HSF2BP: variants seen among roughly 807,000 people sequenced by gnomAD.
HSF2BP encodes the protein heat shock factor 2-binding protein.
Under a neutral mutation model 35.0 loss-of-function variants are expected in HSF2BP, and 35 were observed. That is an observed-to-expected ratio of 1.00 (90% CI 0.76 to 1.32). The LOEUF (loss-of-function observed/expected upper bound fraction) is 1.32. Among genes scored for constraint, HSF2BP ranks in the 40% most tolerant of loss-of-function variants. HSF2BP has a pLI of 0.00. For missense variants in HSF2BP, 326 were observed against 321.7 expected, an observed-to-expected ratio of 1.01 and a Z score of -0.10; for synonymous variants, 114 against 117.4, an observed-to-expected ratio of 0.97 and a Z score of 0.18.
intron 4 of HSF2BP, among the ~76,000 whole-genome samples, chr21:43,636,894 C>CAA (rs34578952): frequency 7.1e-5 from 8 of 112,040 alleles, no homozygotes; most frequent in African/African-American, 2.3e-4. Context: ...CGTCTCAAAA[C>CAA]AAAAAAAAAA....
chr21:43,632,793 T>C (rs552017955), intron 5 of HSF2BP, among the ~76,000 whole-genome samples: 27 of 151,882 alleles, frequency 1.8e-4, no homozygotes, highest in African/African-American at 4.8e-4. Flanking sequence ...GTAGAGAGAG[T>C]CAAAAGTTCT....
chr21:43,501,011 T>C, the HSF2BP span, among the ~76,000 whole-genome samples: 4 of 112,564 alleles, frequency 3.6e-5, no homozygotes, highest in South Asian at 1.1e-3. Context: ...GTGGACAGAG[T>C]CTGGGGGCTA....
intron 5 of HSF2BP, among the ~76,000 whole-genome samples, chr21:43,632,469 TCACACACACACGCTGC>T (rs138570034): frequency 0.54 from 75,053 of 139,210 alleles, 20,346 homozygotes; most frequent in East Asian, 0.71. Flanking sequence ...ACACACATGC[TCACACACACACGCTGC>T]CACACACACA....
rs924727288 is a variant in HSF2BP, at chr21:43,659,482, C to A, written c.-321G>T. On this transcript the variant is annotated 5_prime_UTR_variant, in exon 1 of 9. Coordinates refer to ENST00000291560, the MANE Select transcript of HSF2BP (RefSeq NM_007031.2). This position sits in a 1 kb window ranked among gnomAD's most constrained non-coding sequence, Gnocchi z 4.2. ...CTCCGCCAGCTGCCAGGGCCACTGCCGCGCTCACTCCCAGAGCGCGCTGCG... is the reference window on the plus strand; with the variant it reads ...CTCCGCCAGCTGCCAGGGCCACTGCAGCGCTCACTCCCAGAGCGCGCTGCG... 2 of 479,708 alleles carry A rather than the reference C, an allele frequency of 4.2e-6. No homozygotes were observed. Among genetic ancestry groups the A allele is most frequent in the African/African-American group, 2.1e-5 (1 of 48,300 alleles). The allele number at this position is 479,708 out of a possible 1,614,324, so 29.7% of individuals were successfully genotyped here. A position where few individuals can be genotyped will look rare whatever the true frequency, so the allele number is the denominator to read the frequency against.
chr21:43,654,846 C>T (rs1385121966), intron 3 of HSF2BP, among the ~76,000 whole-genome samples: 5 of 152,134 alleles, frequency 3.3e-5, no homozygotes, highest in Non-Finnish European at 5.9e-5. Flanking sequence ...AGGCAATGAG[C>T]GGGGCCTAGG....
At chr21:43,615,311 C>T (rs2082257156) in intron 6 of HSF2BP, among the ~76,000 whole-genome samples, 1 of 152,174 alleles carries the variant, frequency 6.6e-6, no homozygotes, top group South Asian at 2.1e-4. Context: ...CTGGTAGATA[C>T]CCTTTATCAG....
chr21:43,656,285 T>G (rs2082866838), intron 3 of HSF2BP, among the ~76,000 whole-genome samples: 1 of 152,258 alleles, frequency 6.6e-6, no homozygotes, highest in Non-Finnish European at 1.5e-5. Flanking sequence ...CAGTAAGTAC[T>G]TAATTTTCAG....
At chr21:43,636,069 TA>T (rs1165631547) in intron 4 of HSF2BP, among the ~76,000 whole-genome samples, 1 of 150,582 alleles carries the variant, frequency 6.6e-6, no homozygotes, top group Non-Finnish European at 1.5e-5. Context: ...AAATTTTTTT[TA>T]AATAGCCAGG....
At chr21:43,616,081 A>C (rs1395404500) in intron 6 of HSF2BP, among the ~76,000 whole-genome samples, 1 of 151,776 alleles carries the variant, frequency 6.6e-6, no homozygotes, top group Non-Finnish European at 1.5e-5. Context: ...CATAGCAAGC[A>C]ACATAGAACT....
intron 5 of HSF2BP, 74 bp downstream of exon 5, chr21:43,633,198 C>T (rs2082505163): frequency 2.7e-6 from 4 of 1,469,772 alleles, no homozygotes; most frequent in Admixed American, 2.3e-5. Context: ...CTTTAAATGC[C>T]TTAATAAGCT....
At chr21:43,630,760 GCTGC>G (rs1224251725) in intron 5 of HSF2BP, among the ~76,000 whole-genome samples, 1 of 152,078 alleles carries the variant, frequency 6.6e-6, no homozygotes, top group Admixed American at 6.6e-5. Flanking sequence ...AGAAAAACAT[GCTGC>G]CTATTTGCTC....
At chr21:43,626,338 C>T (rs2082389161) in intron 6 of HSF2BP, among the ~76,000 whole-genome samples, 1 of 151,500 alleles carries the variant, frequency 6.6e-6, no homozygotes, top group African/African-American at 2.4e-5. Context: ...AATAATAAAG[C>T]AAATAAAGCA....
rs547478146 is a variant in HSF2BP at position 43,610,643 on chromosome 21, C to T, written c.692+3187G>A. ...CCCGGCACCTCTCTCTCCATATACA[C>T]ATATATTTTTTCTCTTTAGAGGAAT... is the stretch of plus-strand genomic sequence containing the variant. On this transcript the variant is annotated intron_variant, in intron 7 of 8. Coordinates refer to ENST00000291560, the MANE Select transcript of HSF2BP (RefSeq NM_007031.2). Among the ~76,000 whole-genome samples, 3 of 152,132 alleles carry T rather than the reference C, an allele frequency of 2.0e-5. No individual in the cohort carries two copies. In the East Asian group the frequency reaches 5.8e-4, roughly 29 times the overall value.
intron 3 of HSF2BP, among the ~76,000 whole-genome samples, chr21:43,645,579 A>G (rs1022243546): frequency 6.6e-5 from 10 of 152,240 alleles, no homozygotes; most frequent in African/African-American, 2.2e-4. Context: ...ACTTCTTTAC[A>G]CATTCCCTCT....
intron 7 of HSF2BP, among the ~76,000 whole-genome samples, chr21:43,601,928 T>C (rs2082057370): frequency 6.6e-6 from 1 of 152,246 alleles, no homozygotes; most frequent in South Asian, 2.1e-4. Context: ...AAGCTTTGAC[T>C]GGAAACTGGT....
At position 43,614,157 on chromosome 21, in the gene HSF2BP, A is replaced by G. The variant is rs536308909; in HGVS notation, c.575-210T>C. Reference sequence around the variant, plus strand: ...GGTGGGAGGACTGCTTGAGGCCACAAGTTCAAGACCAGCCTGGGCAACACA... The same window carrying G: ...GGTGGGAGGACTGCTTGAGGCCACAGGTTCAAGACCAGCCTGGGCAACACA... On this transcript the variant is annotated intron_variant, in intron 6 of 8. Coordinates refer to ENST00000291560, the MANE Select transcript of HSF2BP (RefSeq NM_007031.2). Among the ~76,000 whole-genome samples the G allele has an allele frequency of 2.6e-5, 4 of 152,214 alleles. No homozygotes were observed. In the East Asian group the frequency reaches 5.8e-4, roughly 22 times the overall value.
intron 3 of HSF2BP, among the ~76,000 whole-genome samples, chr21:43,646,035 G>A (rs951376322): frequency 6.6e-6 from 1 of 151,758 alleles, no homozygotes; most frequent in Admixed American, 6.6e-5. Flanking sequence ...TTTCTTAGGG[G>A]CCCGGCTCGG....
chr21:43,603,717 C>T (rs1257783547), intron 7 of HSF2BP, among the ~76,000 whole-genome samples: 1 of 152,106 alleles, frequency 6.6e-6, no homozygotes, highest in Non-Finnish European at 1.5e-5. Flanking sequence ...TGTGTCTGGC[C>T]ACCATATGCT....
the HSF2BP span, among the ~76,000 whole-genome samples, chr21:43,507,094 G>C: frequency 5.5e-5 from 7 of 127,818 alleles, 1 homozygote; most frequent in South Asian, 1.6e-3. Context: ...GGTCTCCACT[G>C]CTGAGACAGC....
Sources: gnomAD v4.1 joint callset for allele counts (sites outside exome capture counted in the v4.1 genomes callset) on GRCh38, gnomAD v4.1.1 for gene constraint, Gnocchi (gnomAD v3.1) non-coding constraint, MANE v1.5 for transcripts, NCBI Gene and HGNC (gene_info 2026-07-23, HGNC 2026-07-21) for gene names.